Variants in ESS2 observed in about 807,000 individuals in gnomAD.
ESS2 encodes ess-2 spliceosome associated protein.
A neutral mutation model predicts 52.0 loss-of-function variants in ESS2; 31 were observed. The observed-to-expected ratio is 0.60, with a 90% CI of 0.45 to 0.81. The LOEUF (loss-of-function observed/expected upper bound fraction) is 0.81. ESS2 is among the 30% of genes least tolerant of loss of function. The pLI, the probability that ESS2 is intolerant of heterozygous loss-of-function variation, is 0.00. For synonymous variants in ESS2, 285 were observed against 259.2 expected, an observed-to-expected ratio of 1.10 and a Z score of -0.95; for missense variants, 602 against 637.2, an observed-to-expected ratio of 0.94 and a Z score of 0.59.
intron 1 of ESS2, chr22:19,143,919 T>C (rs559216269): frequency 2.5e-6 from 1 of 393,920 alleles, no homozygotes; most frequent in South Asian, 1.0e-4. Flanking sequence ...CTACCACAAG[T>C]TGAGATTCCC....
At chr22:19,136,678 C>T (rs576263721) in intron 8 of ESS2, among the ~76,000 whole-genome samples, 18 of 152,282 alleles carry the variant, frequency 1.2e-4, no homozygotes, top group African/African-American at 4.3e-4. Flanking sequence ...TTGGACAGCA[C>T]GGCATCCTCT....
Position 19,134,116 on chromosome 22 carries a change from G to C in ESS2, c.*80C>G. ...CTTCTGGCCCAGGCCTGGGCCCCGA[G>C]AAGGCTGGAGTCCTCTGCTGGGTGT... On this transcript the variant is annotated 3_prime_UTR_variant, in exon 10 of 10. Transcript: ENST00000252137. The C allele has an allele frequency of 1.4e-6, 2 of 1,398,518 alleles. No homozygotes were observed. The highest frequency in any genetic ancestry group is 1.9e-6 in the Non-Finnish European group (2 of 1,074,892). The allele number at this position is 1,398,518 out of a possible 1,614,324, so 86.6% of individuals were successfully genotyped here. A position where few individuals can be genotyped will look rare whatever the true frequency, so the allele number is the denominator to read the frequency against.
At position 19,132,400 on chromosome 22, in the gene ESS2, A is replaced by G; in HGVS notation, c.*1796T>C. The G allele has an allele frequency of 6.2e-7, 1 of 1,613,086 alleles. No individual in the cohort carries two copies. Among genetic ancestry groups the G allele is most frequent in the Non-Finnish European group, 8.5e-7 (1 of 1,179,988 alleles). On this transcript the variant is annotated 3_prime_UTR_variant, in exon 10 of 10. Transcript: ENST00000252137. This position sits in a 1 kb window ranked among gnomAD's most constrained non-coding sequence, Gnocchi z 4.2. The stretch of plus-strand genomic sequence containing the variant: ...GTGCCCGAGAACGAGAACAGGATGG[A>G]GGACAGGCTGGCCGAGACCTCCAGG...
At position 19,130,629 on chromosome 22, in the gene ESS2, C is replaced by T. The variant is rs1028111194; in HGVS notation, c.*3567G>A. The T allele has an allele frequency of 2.9e-6, 1 of 340,726 alleles. No individual in the cohort carries two copies. The highest frequency in any genetic ancestry group is 5.6e-6 in the Non-Finnish European group (1 of 178,072). The allele number at this position is 340,726 out of a possible 1,614,324, so 21.1% of individuals were successfully genotyped here. A position where few individuals can be genotyped will look rare whatever the true frequency, so the allele number is the denominator to read the frequency against. ...ATCTATTCAAACAGCTGCCTGTTCC[C>T]TTAACTTGTCTTCAGATTTTGTCGA... On this transcript the variant is annotated 3_prime_UTR_variant, in exon 10 of 10. Transcript: ENST00000252137.
chr22:19,134,379 G>A lies in ESS2; in HGVS notation c.1248C>T (p.Ala416=), dbSNP rs1397691435. 3 of 1,611,876 alleles carry A rather than the reference G, an allele frequency of 1.9e-6. No homozygotes were observed. Among genetic ancestry groups the A allele is most frequent in the South Asian group, 1.1e-5 (1 of 90,890 alleles). ...ASKYTDRALR[A]SYTPSPARST... ...AGCGTGCTGGGGATGGTGTGTAGCT[G>A]GCCCGCAGGGCCCGGTCTGTGTACT... Residue 416 remains alanine, a synonymous_variant, in exon 10 of 10, where the codon GCC becomes GCT. Coordinates refer to ENST00000252137, the MANE Select transcript of ESS2 (RefSeq NM_022719.3).
rs775777825 is a variant in ESS2 at position 19,144,533 on chromosome 22, C to T, written c.108G>A (p.Arg36=). ...GEAGAATSKQ[R]VLDEEEYIEG... ...CGATATACTCTTCCTCGTCCAGGAC[C>T]CGCTGCTTGCTCGTCGCAGCCCCAG... Residue 36 remains arginine, a synonymous_variant, in exon 1 of 10, where the codon CGG becomes CGA. Coordinates refer to ENST00000252137, the MANE Select transcript of ESS2 (RefSeq NM_022719.3). 3.7e-6 allele frequency: 6 copies of T among 1,609,650 alleles called. No homozygotes were observed. Among genetic ancestry groups the T allele is most frequent in the Non-Finnish European group, 5.1e-6 (6 of 1,178,286 alleles).
chr22:19,136,428 A>C (rs949524168), intron 8 of ESS2, among the ~76,000 whole-genome samples: 1 of 152,098 alleles, frequency 6.6e-6, no homozygotes, highest in African/African-American at 2.4e-5. Context: ...TTGTTTTTAC[A>C]TGTAACCTTT....
Position 19,139,906 on chromosome 22 carries a change from T to C in ESS2, c.519A>G (p.Arg173=), listed in dbSNP as rs764088025. 6.2e-7 allele frequency: 1 copy of C among 1,614,080 alleles called. No individual in the cohort carries two copies. Among genetic ancestry groups the C allele is most frequent in the Admixed American group, 1.7e-5 (1 of 60,024 alleles). Residue 173 remains arginine, a synonymous_variant, in exon 4 of 10, where the codon AGA becomes AGG. Transcript: ENST00000252137. ...FQEIMEVAKE[R]SRARHAWLYQ... is the part of the protein sequence containing the mutation. ...AGAGCCAAGCGTGGCGTGCCCGGCT[T>C]CTCTCCTTGGCCACCTCCATGATCT...
chr22:19,131,897 T>C lies in ESS2; in HGVS notation c.*2299A>G, dbSNP rs776048479. ...CCAAGCGCTGCCTGCGGGACAGCAA[T>C]GGGCGCATCATCCTCAGCAAGACCT... On this transcript the variant is annotated 3_prime_UTR_variant, in exon 10 of 10. Transcript: ENST00000252137. This position sits in a 1 kb window ranked among gnomAD's most constrained non-coding sequence, Gnocchi z 5.7. 6.8e-6 allele frequency: 11 copies of C among 1,613,954 alleles called. No homozygotes were observed. In the Admixed American group the frequency reaches 1.2e-4, roughly 17 times the overall value.
rs2083528800 is a variant in ESS2 at position 19,133,378 on chromosome 22, T to C, written c.*818A>G. The C allele has an allele frequency of 6.6e-6, 1 of 152,414 alleles. No homozygotes were observed. The highest frequency in any genetic ancestry group is 2.1e-4 in the South Asian group (1 of 4,830). The allele number at this position is 152,414 out of a possible 1,614,324, so 9.4% of individuals were successfully genotyped here. Reference sequence around the variant, plus strand: ...CTGAAGGCCCCACGTCCCCCACCCCTTAAGAGTCCCAGCCTGATCTGTCCA... The same window carrying C: ...CTGAAGGCCCCACGTCCCCCACCCCCTAAGAGTCCCAGCCTGATCTGTCCA... On this transcript the variant is annotated 3_prime_UTR_variant, in exon 10 of 10. Transcript: ENST00000252137.
rs186717850 is a variant in ESS2, at chr22:19,134,393, G to A, written c.1234C>T (p.Arg412Trp). The change falls in exon 10 of 10, where the codon CGG (arginine) becomes TGG (tryptophan). Residue 412 changes from arginine to tryptophan, a missense_variant. By Grantham distance (101) the Arg-to-Trp change is moderately radical. Coordinates refer to ENST00000252137, the MANE Select transcript of ESS2 (RefSeq NM_022719.3). The stretch of plus-strand genomic sequence containing the variant: ...GGTGTGTAGCTGGCCCGCAGGGCCC[G>A]GTCTGTGTACTTGCTGGCCGTCCTG... ...VSRTASKYTD[R>W]ALRASYTPSP... 37 of 1,611,506 alleles carry A rather than the reference G, an allele frequency of 2.3e-5. No individual in the cohort carries two copies. In the Admixed American group the frequency reaches 3.8e-4, roughly 17 times the overall value.
rs1001731346 is a variant in ESS2, at chr22:19,130,450, A to G, written c.*3746T>C. On this transcript the variant is annotated 3_prime_UTR_variant, in exon 10 of 10. Transcript: ENST00000252137. ...GTCTACTGGTAACTAATTTTGTTCC[A>G]AGGAGAAGGTCAGAGGCAAAAAAAA... The G allele has an allele frequency of 2.6e-5, 7 of 270,592 alleles. No individual in the cohort carries two copies. The highest frequency in any genetic ancestry group is 1.6e-4 in the African/African-American group (7 of 43,846). The allele number at this position is 270,592 out of a possible 1,614,324, so 16.8% of individuals were successfully genotyped here. A position where few individuals can be genotyped will look rare whatever the true frequency, so the allele number is the denominator to read the frequency against.
At position 19,132,769 on chromosome 22, in the gene ESS2, G is replaced by T; in HGVS notation, c.*1427C>A. The T allele has an allele frequency of 2.5e-6, 1 of 406,316 alleles. No homozygotes were observed. Among genetic ancestry groups the T allele is most frequent in the Non-Finnish European group, 4.5e-6 (1 of 221,568 alleles). 25.2% of individuals were successfully genotyped at this position (406,316 alleles called of 1,614,324 possible). ...CCAACCGCCCCACCTGACACACAGTGGTCTCCGGCCTAGGAGCACAGGACA... is the reference window on the plus strand; with the variant it reads ...CCAACCGCCCCACCTGACACACAGTTGTCTCCGGCCTAGGAGCACAGGACA... On this transcript the variant is annotated 3_prime_UTR_variant, in exon 10 of 10. Transcript: ENST00000252137. This position sits in a 1 kb window ranked among gnomAD's most constrained non-coding sequence, Gnocchi z 4.2.
Position 19,134,165 on chromosome 22 carries a change from A to G in ESS2, c.*31T>C. 1 of 1,477,770 alleles carries G rather than the reference A, an allele frequency of 6.8e-7. No homozygotes were observed. Among genetic ancestry groups the G allele is most frequent in the Non-Finnish European group, 9.0e-7 (1 of 1,114,054 alleles). The allele number at this position is 1,477,770 out of a possible 1,614,324, so 91.5% of individuals were successfully genotyped here. A position where few individuals can be genotyped will look rare whatever the true frequency, so the allele number is the denominator to read the frequency against. On this transcript the variant is annotated 3_prime_UTR_variant, in exon 10 of 10. Coordinates refer to ENST00000252137, the MANE Select transcript of ESS2 (RefSeq NM_022719.3). Reference sequence around the variant, plus strand: ...GTACAGCTGCCCTGCAGGCTCTGTGAAGCGTCTATGAGCCCAGCCCAGGCC... The same window carrying G: ...GTACAGCTGCCCTGCAGGCTCTGTGGAGCGTCTATGAGCCCAGCCCAGGCC...
rs768784402 is a variant in ESS2 at position 19,144,537 on chromosome 22, T to G, written c.104A>C (p.Gln35Pro). The change falls in exon 1 of 10, where the codon CAG becomes CCG. Residue 35 changes from glutamine (Q) to proline (P), a missense_variant. By Grantham distance (76) the Gln-to-Pro change is moderately conservative. Transcript: ENST00000252137. ...AGEAGAATSK[Q>P]RVLDEEEYIE... ...ATACTCTTCCTCGTCCAGGACCCGC[T>G]GCTTGCTCGTCGCAGCCCCAGCCTC... 2 of 1,609,616 alleles carry G rather than the reference T, an allele frequency of 1.2e-6. No individual in the cohort carries two copies. Among genetic ancestry groups the G allele is most frequent in the Admixed American group, 3.3e-5 (2 of 59,842 alleles).
intron 7 of ESS2, 50 bp from the exon 8 acceptor site, chr22:19,137,482 C>CCCT: frequency 7.3e-7 from 1 of 1,364,006 alleles, no homozygotes; most frequent in African/African-American, 1.4e-5. Context: ...CTCCCCACCA[C>CCCT]CCTCCCCTCC....
chr22:19,144,548 C>G lies in ESS2; in HGVS notation c.93G>C (p.Ala31=), dbSNP rs2298274. ...CGTCCAGGACCCGCTGCTTGCTCGT[C>G]GCAGCCCCAGCCTCTCCCGCCTCGC... The part of the protein sequence containing the change: ...RKREAGEAGA[A]TSKQRVLDEE... The change falls in exon 1 of 10, where the codon GCG becomes GCC. Residue 31 remains alanine (A), a synonymous_variant. Transcript: ENST00000252137. 6.2e-7 allele frequency: 1 copy of G among 1,608,714 alleles called. No homozygotes were observed. Among genetic ancestry groups the G allele is most frequent in the Admixed American group, 1.7e-5 (1 of 59,784 alleles).
rs1315629947 is a variant in ESS2 at position 19,133,065 on chromosome 22, A to C, written c.*1131T>G. 1 of 153,208 alleles carries C rather than the reference A, an allele frequency of 6.5e-6. No individual in the cohort carries two copies. The highest frequency in any genetic ancestry group is 2.4e-5 in the African/African-American group (1 of 41,328). The allele number at this position is 153,208 out of a possible 1,614,324, so 9.5% of individuals were successfully genotyped here. A position where few individuals can be genotyped will look rare whatever the true frequency, so the allele number is the denominator to read the frequency against. Reference sequence around the variant, plus strand: ...GGAGTCATGTGAGATTTCTGTCCTCAGCCCTCAAGTTCCCTGCCCTGTCCT... The same window carrying C: ...GGAGTCATGTGAGATTTCTGTCCTCCGCCCTCAAGTTCCCTGCCCTGTCCT... On this transcript the variant is annotated 3_prime_UTR_variant, in exon 10 of 10. Coordinates refer to ENST00000252137, the MANE Select transcript of ESS2 (RefSeq NM_022719.3).
chr22:19,140,663 C>T (rs921364170), intron 3 of ESS2, among the ~76,000 whole-genome samples: 1 of 152,192 alleles, frequency 6.6e-6, no homozygotes, highest in African/African-American at 2.4e-5. Flanking sequence ...CCTGGTGCTG[C>T]GTGTGGTGGT....
Sources: gnomAD v4.1 joint callset for allele counts (sites outside exome capture counted in the v4.1 genomes callset) on GRCh38, gnomAD v4.1.1 for gene constraint, Gnocchi (gnomAD v3.1) non-coding constraint, MANE v1.5 for transcripts, NCBI Gene and HGNC (gene_info 2026-07-23, HGNC 2026-07-21) for gene names.